Variants in MAGI2 observed in about 807,000 individuals in gnomAD.
MAGI2 encodes the protein membrane associated guanylate kinase, WW and PDZ domain containing 2.
MAGI2 carries 35 observed loss-of-function variants against 133.3 expected under a neutral mutation model. The ratio of observed to expected loss-of-function variants is 0.26; its 90% confidence interval spans 0.20 to 0.35. MAGI2 has a LOEUF of 0.35. Ranked by LOEUF, MAGI2 falls within the 10% of genes least tolerant of loss-of-function variation. The pLI, the probability that MAGI2 is intolerant of heterozygous loss-of-function variation, is 1.00. For synonymous variants in MAGI2, 729 were observed against 710.6 expected, an observed-to-expected ratio of 1.03 and a Z score of -0.41; for missense variants, 1,636 against 1,863.4, an observed-to-expected ratio of 0.88 and a Z score of 2.25.
intron 1 of MAGI2, among the ~76,000 whole-genome samples, chr7:79,095,288 C>T (rs933428370): frequency 9.2e-5 from 14 of 152,220 alleles, no homozygotes; most frequent in African/African-American, 3.1e-4. Flanking sequence ...GTTTGACAAT[C>T]TGTCCAGATC....
intron 2 of MAGI2, among the ~76,000 whole-genome samples, chr7:78,734,139 GACA>G (rs1017503440): frequency 1.3e-5 from 2 of 152,112 alleles, no homozygotes; most frequent in African/African-American, 2.4e-5. Flanking sequence ...ATAAGACAAA[GACA>G]ACAAATTATG....
chr7:78,054,435 A>G lies in MAGI2; in HGVS notation c.3706+24512T>C, dbSNP rs144925358. On this transcript the variant is annotated intron_variant, in intron 21 of 21. Transcript: ENST00000354212. Reference sequence around the variant, plus strand: ...CACTGCGCCTGGCCTAAAGGGATATAATTTTTATTCTGGGATGCTGAAGAC... The same window carrying G: ...CACTGCGCCTGGCCTAAAGGGATATGATTTTTATTCTGGGATGCTGAAGAC... Among the ~76,000 whole-genome samples the G allele has an allele frequency of 4.8e-4, 73 of 151,262 alleles. 1 individual carries two copies. Among genetic ancestry groups the G allele is most frequent in the African/African-American group, 1.6e-3 (66 of 41,208 alleles).
intron 2 of MAGI2, among the ~76,000 whole-genome samples, chr7:78,677,460 CAT>C (rs1815171883): frequency 6.6e-6 from 1 of 151,286 alleles, no homozygotes; most frequent in South Asian, 2.1e-4. Flanking sequence ...TAAAATGAAA[CAT>C]CATTTTATAA....
At chr7:79,377,679 C>T (rs1843470102) in intron 1 of MAGI2, among the ~76,000 whole-genome samples, 1 of 151,826 alleles carries the variant, frequency 6.6e-6, no homozygotes, top group Admixed American at 6.6e-5. Context: ...GTAACAGCAA[C>T]ATCAATTGCT....
chr7:78,829,758 T>C (rs1270093613), intron 2 of MAGI2, among the ~76,000 whole-genome samples: 1 of 152,108 alleles, frequency 6.6e-6, no homozygotes, highest in Non-Finnish European at 1.5e-5. Context: ...CATTTGAAGA[T>C]TCAAAAATAT....
At chr7:79,333,770 A>G (rs537350577) in intron 1 of MAGI2, among the ~76,000 whole-genome samples, 2 of 152,210 alleles carry the variant, frequency 1.3e-5, no homozygotes, top group Non-Finnish European at 2.9e-5. Context: ...AATAAAAAAG[A>G]CAATGGAGTT....
At chr7:78,886,466 G>C (rs780036191) in intron 2 of MAGI2, among the ~76,000 whole-genome samples, 41 of 152,152 alleles carry the variant, frequency 2.7e-4, no homozygotes, top group Non-Finnish European at 5.6e-4. Flanking sequence ...GACTGACCAA[G>C]TCATGACTTA....
intron 10 of MAGI2, among the ~76,000 whole-genome samples, chr7:78,220,730 G>A (rs139537309): frequency 8.1e-4 from 123 of 152,228 alleles, no homozygotes; most frequent in South Asian, 4.4e-3. Context: ...TTGCCCAAAC[G>A]CATCCATTTT....
chr7:78,839,922 T>C (rs1791976941), intron 2 of MAGI2, among the ~76,000 whole-genome samples: 3 of 152,130 alleles, frequency 2.0e-5, no homozygotes. Flanking sequence ...AGTTAGTTTA[T>C]GCCATAATTG....
intron 2 of MAGI2, among the ~76,000 whole-genome samples, chr7:78,839,402 T>C (rs1791930871): frequency 6.6e-6 from 1 of 152,112 alleles, no homozygotes. Flanking sequence ...CCATGTTTAC[T>C]AATGTGTAAA....
At chr7:78,977,749 G>T (rs1440353453) in intron 2 of MAGI2, among the ~76,000 whole-genome samples, 1 of 151,606 alleles carries the variant, frequency 6.6e-6, no homozygotes, top group Admixed American at 6.6e-5. Flanking sequence ...AAAAATGCAA[G>T]CTACATGAGA....
At chr7:78,276,519 C>G (rs1165512878) in intron 9 of MAGI2, among the ~76,000 whole-genome samples, 1 of 151,884 alleles carries the variant, frequency 6.6e-6, no homozygotes, top group African/African-American at 2.4e-5. Flanking sequence ...GTGTTTATTT[C>G]ACTTAAGTAT....
At chr7:78,564,429 T>G (rs1800725808) in intron 3 of MAGI2, among the ~76,000 whole-genome samples, 1 of 152,242 alleles carries the variant, frequency 6.6e-6, no homozygotes, top group Non-Finnish European at 1.5e-5. Flanking sequence ...ATCTGAAGTC[T>G]GCTCAATGAT....
chr7:78,408,443 C>G (rs1322400090), intron 6 of MAGI2, among the ~76,000 whole-genome samples: 1 of 152,034 alleles, frequency 6.6e-6, no homozygotes, highest in African/African-American at 2.4e-5. Flanking sequence ...GCAAGGTCCA[C>G]AGCCTGCAGT....
chr7:79,440,475 A>G (rs145459978), intron 1 of MAGI2, among the ~76,000 whole-genome samples: 109 of 152,200 alleles, frequency 7.2e-4, no homozygotes, highest in African/African-American at 2.6e-3. Flanking sequence ...GAGCCCTACC[A>G]GAGCAAAATT....
chr7:78,859,435 G>C (rs1049511700), intron 2 of MAGI2, among the ~76,000 whole-genome samples: 7 of 151,658 alleles, frequency 4.6e-5, no homozygotes, highest in Non-Finnish European at 7.4e-5. Context: ...GGCAGGCCTG[G>C]TGGTGACAAA....
At chr7:78,725,447 G>A (rs1017581142) in intron 2 of MAGI2, among the ~76,000 whole-genome samples, 3 of 152,198 alleles carry the variant, frequency 2.0e-5, no homozygotes, top group Admixed American at 6.5e-5. Flanking sequence ...CACGCACTAT[G>A]CAACTGTTTA....
At chr7:78,789,081 C>T (rs1221765515) in intron 2 of MAGI2, among the ~76,000 whole-genome samples, 1 of 152,122 alleles carries the variant, frequency 6.6e-6, no homozygotes, top group African/African-American at 2.4e-5. Flanking sequence ...AATAACAGTT[C>T]ACTTTACATA....
At chr7:79,164,767 G>T (rs985570909) in intron 1 of MAGI2, among the ~76,000 whole-genome samples, 3 of 152,004 alleles carry the variant, frequency 2.0e-5, no homozygotes, top group Non-Finnish European at 4.4e-5. Context: ...AAATGTATTT[G>T]ATTGATGTCT....
Sources: gnomAD v4.1 joint callset for allele counts (sites outside exome capture counted in the v4.1 genomes callset) on GRCh38, gnomAD v4.1.1 for gene constraint, MANE v1.5 for transcripts, NCBI Gene and HGNC (gene_info 2026-07-23, HGNC 2026-07-21) for gene names.